PTPRM: variants seen among roughly 807,000 people sequenced by gnomAD.
The protein encoded by PTPRM is protein tyrosine phosphatase receptor type M.
PTPRM carries 47 observed loss-of-function variants against 186.7 expected under a neutral mutation model. The observed-to-expected ratio is 0.25, with a 90% CI of 0.20 to 0.32. The LOEUF (loss-of-function observed/expected upper bound fraction) is 0.32, where lower values mean the gene tolerates loss of function less well. PTPRM is among the 10% of genes least tolerant of loss of function. The probability of loss-of-function intolerance (pLI) is 1.00; values close to 1 mark genes in which losing one functional copy is unlikely to be tolerated. For synonymous variants in PTPRM, 668 were observed against 674.9 expected, an observed-to-expected ratio of 0.99 and a Z score of 0.16; for missense variants, 1,494 against 1,865.0, an observed-to-expected ratio of 0.80 and a Z score of 3.66.
intron 7 of PTPRM, among the ~76,000 whole-genome samples, chr18:7,984,503 T>A (rs952040499): frequency 2.0e-5 from 3 of 149,172 alleles, no homozygotes; most frequent in Non-Finnish European, 4.4e-5. Flanking sequence ...TCGTGATTAA[T>A]ATTTTTTAAT....
chr18:8,205,672 T>A (rs1380197567), intron 14 of PTPRM, among the ~76,000 whole-genome samples: 2 of 152,190 alleles, frequency 1.3e-5, no homozygotes, highest in Admixed American at 1.3e-4. Context: ...GCCAGAAATA[T>A]TTCCATTTAC....
At chr18:7,609,180 A>G (rs2037610655) in intron 1 of PTPRM, among the ~76,000 whole-genome samples, 2 of 152,000 alleles carry the variant, frequency 1.3e-5, no homozygotes, top group East Asian at 1.9e-4. Flanking sequence ...AGTTCCTGAG[A>G]TTTTTCTGCC....
intron 20 of PTPRM, among the ~76,000 whole-genome samples, chr18:8,310,932 G>C (rs2095263325): frequency 1.3e-5 from 2 of 152,184 alleles, no homozygotes; most frequent in Admixed American, 6.5e-5. Flanking sequence ...GACAGTTAGA[G>C]ATGGTTAGGA....
At chr18:7,955,629 C>G (rs970941009) in intron 7 of PTPRM, among the ~76,000 whole-genome samples, 1 of 152,154 alleles carries the variant, frequency 6.6e-6, no homozygotes, top group African/African-American at 2.4e-5. Flanking sequence ...CTGCCCCCAC[C>G]CTTTTTCCTA....
chr18:8,323,944 C>G (rs935648916), intron 22 of PTPRM, among the ~76,000 whole-genome samples: 1 of 152,084 alleles, frequency 6.6e-6, no homozygotes, highest in Non-Finnish European at 1.5e-5. Flanking sequence ...CCCCCACCCC[C>G]CAATTTTACT....
At chr18:8,305,165 A>G (rs1327677535) in intron 20 of PTPRM, among the ~76,000 whole-genome samples, 1 of 152,226 alleles carries the variant, frequency 6.6e-6, no homozygotes, top group Non-Finnish European at 1.5e-5. Flanking sequence ...GAATGATTTT[A>G]TCAGATTTTT....
At chr18:8,053,692 A>C (rs2087680148) in intron 7 of PTPRM, among the ~76,000 whole-genome samples, 1 of 152,152 alleles carries the variant, frequency 6.6e-6, no homozygotes, top group African/African-American at 2.4e-5. Context: ...TAAAACTCTA[A>C]TTAGGTTTTA....
At chr18:7,752,814 C>T (rs1441544531) in intron 1 of PTPRM, among the ~76,000 whole-genome samples, 4 of 152,036 alleles carry the variant, frequency 2.6e-5, no homozygotes, top group African/African-American at 4.8e-5. Context: ...AAACTACGTA[C>T]CTAGATGTTT....
At chr18:7,835,050 A>G (rs1354240083) in intron 2 of PTPRM, among the ~76,000 whole-genome samples, 1 of 150,336 alleles carries the variant, frequency 6.7e-6, no homozygotes, top group Non-Finnish European at 1.5e-5. Flanking sequence ...AACTTTTCAA[A>G]AAAACAACTT....
At chr18:7,713,168 T>A (rs2040248448) in intron 1 of PTPRM, among the ~76,000 whole-genome samples, 1 of 152,180 alleles carries the variant, frequency 6.6e-6, no homozygotes, top group Non-Finnish European at 1.5e-5. Context: ...TAACAGTGGA[T>A]CTCTCTGCAG....
chr18:7,984,602 T>C (rs8089698), intron 7 of PTPRM, among the ~76,000 whole-genome samples: 29,393 of 87,088 alleles, frequency 0.34, 5,291 homozygotes, highest in Middle Eastern at 0.38. Context: ...TATATATATA[T>C]ACACACACAC....
intron 1 of PTPRM, among the ~76,000 whole-genome samples, chr18:7,581,656 CTTT>C (rs59375148): frequency 4.4e-5 from 6 of 137,200 alleles, no homozygotes; most frequent in Admixed American, 7.3e-5. Flanking sequence ...GTTTCATTTA[CTTT>C]TTTTTTTTTT....
At chr18:7,739,002 GCTT>G (rs1329309384) in intron 1 of PTPRM, among the ~76,000 whole-genome samples, 1 of 151,900 alleles carries the variant, frequency 6.6e-6, no homozygotes, top group East Asian at 2.0e-4. Context: ...GTGCTTTGGA[GCTT>G]CTTCTTGGTC....
At chr18:8,015,394 A>G (rs1199466158) in intron 7 of PTPRM, among the ~76,000 whole-genome samples, 2 of 152,288 alleles carry the variant, frequency 1.3e-5, no homozygotes, top group East Asian at 3.9e-4. Context: ...TCAAACCTCT[A>G]CCTTTTTCAA....
intron 7 of PTPRM, among the ~76,000 whole-genome samples, chr18:8,023,281 A>C (rs1022158989): frequency 6.6e-6 from 1 of 152,164 alleles, no homozygotes; most frequent in African/African-American, 2.4e-5. Flanking sequence ...CAGTCAAATG[A>C]ATTTAGAGAG....
chr18:7,929,489 C>CT (rs1568028378), intron 5 of PTPRM, among the ~76,000 whole-genome samples: 1 of 152,088 alleles, frequency 6.6e-6, no homozygotes, highest in Non-Finnish European at 1.5e-5. Context: ...TGACTTTGAG[C>CT]TTTTTACTGA....
intron 14 of PTPRM, among the ~76,000 whole-genome samples, chr18:8,178,145 T>C (rs772256939): frequency 1.2e-4 from 18 of 152,206 alleles, no homozygotes; most frequent in Admixed American, 4.6e-4. Context: ...CCGATTCTAG[T>C]ATGTGCCTAG....
chr18:7,832,037 C>T (rs1317293494), intron 2 of PTPRM, among the ~76,000 whole-genome samples: 1 of 152,172 alleles, frequency 6.6e-6, no homozygotes, highest in African/African-American at 2.4e-5. Context: ...TTGATGGACA[C>T]TTATGTTGCT....
chr18:8,009,197 G>A (rs1388748363), intron 7 of PTPRM, among the ~76,000 whole-genome samples: 2 of 152,206 alleles, frequency 1.3e-5, no homozygotes, highest in African/African-American at 4.8e-5. Context: ...TATGTAAGGT[G>A]TGGAGTACGA....
Sources: allele counts gnomAD v4.1 joint callset (sites outside exome capture counted in the v4.1 genomes callset), GRCh38; gene constraint gnomAD v4.1.1; transcripts MANE v1.5; gene names NCBI Gene and HGNC (gene_info 2026-07-23, HGNC 2026-07-21).